ELFN1: variants seen among roughly 807,000 people sequenced by gnomAD.
ELFN1 encodes the protein extracellular leucine rich repeat and fibronectin type III domain containing 1.
Under a neutral mutation model 7.6 loss-of-function variants are expected in ELFN1, and 6 were observed. That is an observed-to-expected ratio of 0.79 (90% CI 0.43 to 1.56). The LOEUF (loss-of-function observed/expected upper bound fraction) is 1.56. Among genes scored for constraint, ELFN1 ranks in the 40% most tolerant of loss-of-function variants. The pLI is 0.01. For missense variants in ELFN1, 1,169 were observed against 1,232.2 expected (o/e 0.95, Z 0.77); for synonymous variants, 657 against 588.1 (o/e 1.12, Z -1.70).
chr7:1,688,834 C>T (rs1248726426), intron 2 of ELFN1, among the ~76,000 whole-genome samples: 1 of 152,152 alleles, frequency 6.6e-6, no homozygotes, highest in Admixed American at 6.5e-5. Flanking sequence ...CTTTTATAGC[C>T]ATGCCCCCTT....
At chr7:1,696,479 CCTCCT>C (rs1779316748) in intron 2 of ELFN1, among the ~76,000 whole-genome samples, 1 of 151,690 alleles carries the variant, frequency 6.6e-6, no homozygotes, top group African/African-American at 2.4e-5. Context: ...GCAGCCTCCA[CCTCCT>C]GGGCTCAAGC....
At chr7:1,696,016 G>A (rs1014134661) in intron 2 of ELFN1, among the ~76,000 whole-genome samples, 6 of 152,126 alleles carry the variant, frequency 3.9e-5, no homozygotes, top group Admixed American at 6.5e-5. Context: ...TAACAAAAGC[G>A]GGACACTGGA....
Position 1,741,913 on chromosome 7 carries a change from G to A in ELFN1, c.-293-2391G>A, listed in dbSNP as rs111584579. ...CAGGGCCCCAGTGAGCATGGCCTGC[G>A]CACTCATGTACACAATCACCTGCCC... On this transcript the variant is annotated intron_variant, in intron 3 of 3. Coordinates refer to ENST00000424383, the MANE Select transcript of ELFN1 (RefSeq NM_001128636.4). 3.4e-3 allele frequency among the ~76,000 whole-genome samples: 519 copies of A among 152,176 alleles called. 7 individuals are homozygous for A. The highest frequency in any genetic ancestry group is 0.011 in the African/African-American group (472 of 41,516).
intron 1 of ELFN1, among the ~76,000 whole-genome samples, chr7:1,686,295 C>G (rs760734311): frequency 3.4e-5 from 5 of 146,408 alleles, no homozygotes; most frequent in Admixed American, 6.9e-5. Context: ...ATCATTGTCT[C>G]TGTTAGTTTG....
chr7:1,667,027 C>T (rs1438500720), upstream of ELFN1, among the ~76,000 whole-genome samples: 1 of 152,002 alleles, frequency 6.6e-6, no homozygotes, highest in Non-Finnish European at 1.5e-5. This position sits in a 1 kb window ranked among gnomAD's most constrained non-coding sequence, Gnocchi z 8.2. Flanking sequence ...GACCCCGGGG[C>T]CCAGAGCGGA....
At chr7:1,680,132 A>G (rs541605429) in intron 1 of ELFN1, among the ~76,000 whole-genome samples, 2 of 152,372 alleles carry the variant, frequency 1.3e-5, no homozygotes, top group South Asian at 4.1e-4. Context: ...TGGTCTGGAT[A>G]CGAAAGCAAA....
intron 3 of ELFN1, among the ~76,000 whole-genome samples, chr7:1,710,104 C>G (rs1779619180): frequency 6.6e-6 from 1 of 152,214 alleles, no homozygotes; most frequent in Non-Finnish European, 1.5e-5. Context: ...ACTGAAAAGT[C>G]TGGATTTTAG....
In ELFN1 at chr7:1,695,772, A is replaced by T. The variant is rs1022715315; in HGVS notation, c.-456+7622A>T. Among the ~76,000 whole-genome samples the T allele has an allele frequency of 6.7e-6, 1 of 149,838 alleles. No individual in the cohort carries two copies. The highest frequency in any genetic ancestry group is 2.5e-5 in the African/African-American group (1 of 40,626). ...CAAAAAAAAAAAAAAAAAAAAAAAA[A>T]CCGTGCTGGTTTGGTTTCACTGACT... On this transcript the variant is annotated intron_variant, in intron 2 of 3. Transcript: ENST00000424383. The surrounding 1 kb of genome is among the most constrained non-coding windows in gnomAD (Gnocchi z 5.1).
intron 1 of ELFN1, among the ~76,000 whole-genome samples, chr7:1,671,810 C>G (rs1224645099): frequency 6.6e-6 from 1 of 152,254 alleles, no homozygotes; most frequent in Non-Finnish European, 1.5e-5. Context: ...GCGCCCCACT[C>G]CACCAAAGCA....
chr7:1,700,895 C>A (rs935310411), intron 2 of ELFN1, among the ~76,000 whole-genome samples: 3 of 152,162 alleles, frequency 2.0e-5, no homozygotes, highest in Non-Finnish European at 4.4e-5. Flanking sequence ...GTGTGGATGC[C>A]CTCATTTGTG....
At chr7:1,707,842 C>T (rs1474790836) in intron 2 of ELFN1, among the ~76,000 whole-genome samples, 1 of 152,176 alleles carries the variant, frequency 6.6e-6, no homozygotes, top group Admixed American at 6.5e-5. Flanking sequence ...CACACACTTC[C>T]TCCAGCTACA....
At chr7:1,731,189 G>A (rs1047130234) in intron 3 of ELFN1, among the ~76,000 whole-genome samples, 4 of 152,188 alleles carry the variant, frequency 2.6e-5, no homozygotes, top group African/African-American at 9.7e-5. Context: ...GTGGTGAGAT[G>A]TGCCGTGTTG....
Position 1,692,900 on chromosome 7 carries a change from C to G in ELFN1, c.-456+4750C>G, listed in dbSNP as rs573661810. On this transcript the variant is annotated intron_variant, in intron 2 of 3. Coordinates refer to ENST00000424383, the MANE Select transcript of ELFN1 (RefSeq NM_001128636.4). Reference sequence around the variant, plus strand: ...AAAGAACGCCCAGTGGGGGCCACATCAGCTTCCGCCTCTATGTACCCTGCA... The same window carrying G: ...AAAGAACGCCCAGTGGGGGCCACATGAGCTTCCGCCTCTATGTACCCTGCA... The G allele has an allele frequency of 3.2e-4, 57 of 180,578 alleles. 1 individual carries two copies. The highest frequency in any genetic ancestry group is 1.3e-3 in the South Asian group (10 of 7,442). 11.2% of individuals were successfully genotyped at this position (180,578 alleles called of 1,614,324 possible).
At chr7:1,692,089 C>G (rs1779177826) in intron 2 of ELFN1, 1 of 152,244 alleles carries the variant, frequency 6.6e-6, no homozygotes, top group Admixed American at 6.5e-5. Context: ...TCTCTGAGTG[C>G]CATGACCCTC....
At chr7:1,687,573 T>A (rs977356595) in intron 1 of ELFN1, among the ~76,000 whole-genome samples, 3 of 152,058 alleles carry the variant, frequency 2.0e-5, no homozygotes, top group Non-Finnish European at 4.4e-5. Flanking sequence ...AAAATTTAAT[T>A]CTAAGGAAAT....
In ELFN1 at chr7:1,674,862, C is replaced by T. The variant is rs117843554; in HGVS notation, c.-549+4508C>T. Among the ~76,000 whole-genome samples, 1,260 of 152,236 alleles carry T rather than the reference C, an allele frequency of 8.3e-3. 9 individuals carry two copies. Among genetic ancestry groups the T allele is most frequent in the Non-Finnish European group, 0.014 (946 of 68,002 alleles). On this transcript the variant is annotated intron_variant, in intron 1 of 3. Coordinates refer to ENST00000424383, the MANE Select transcript of ELFN1 (RefSeq NM_001128636.4). ...GCCGGGCGGGAAACATCCTTCGGCC[C>T]GGGCCAGCCCAGCCATCACCAGGTC...
intron 2 of ELFN1, chr7:1,692,807 C>T (rs977199054): frequency 6.3e-6 from 1 of 158,934 alleles, no homozygotes. Flanking sequence ...ATATTTCCTT[C>T]ATCGGAAACT....
intron 3 of ELFN1, chr7:1,742,144 C>T (rs1306614315): frequency 6.6e-6 from 1 of 152,462 alleles, no homozygotes; most frequent in African/African-American, 2.4e-5. Flanking sequence ...CGGAGCAGCC[C>T]CAGGCCCCCA....
chr7:1,726,146 C>G (rs558915290), intron 3 of ELFN1, among the ~76,000 whole-genome samples: 2 of 152,254 alleles, frequency 1.3e-5, no homozygotes, highest in South Asian at 4.1e-4. Flanking sequence ...GGCTGGAGAA[C>G]GCAGGGCTCC....
Sources: allele counts gnomAD v4.1 joint callset (sites outside exome capture counted in the v4.1 genomes callset), GRCh38; gene constraint gnomAD v4.1.1; non-coding constraint Gnocchi (gnomAD v3.1); transcripts MANE v1.5; gene names NCBI Gene and HGNC (gene_info 2026-07-23, HGNC 2026-07-21).